The following MBNL2 variants were observed in gnomAD, a reference collection of about 807,000 sequenced individuals.
MBNL2 encodes the protein muscleblind like splicing regulator 2, also known as muscleblind-like protein 2.
MBNL2 carries 17 observed loss-of-function variants against 41.9 expected under a neutral mutation model. The observed-to-expected ratio is 0.41, with a 90% CI of 0.28 to 0.61. MBNL2 has a LOEUF of 0.61. Among genes scored for constraint, MBNL2 ranks in the 20% least tolerant of loss-of-function variants. MBNL2 has a pLI of 0.35. For missense variants in MBNL2, 336 were observed against 505.6 expected, an observed-to-expected ratio of 0.66 and a Z score of 3.22; for synonymous variants, 195 against 182.9, an observed-to-expected ratio of 1.07 and a Z score of -0.53.
At chr13:97,349,130 T>C (rs1324598537) in intron 5 of MBNL2, among the ~76,000 whole-genome samples, 2 of 152,236 alleles carry the variant, frequency 1.3e-5, no homozygotes, top group Non-Finnish European at 2.9e-5. Context: ...CATATGTTAT[T>C]GGACCTAATA....
the MBNL2 span, among the ~76,000 whole-genome samples, chr13:97,192,861 T>C: frequency 6.6e-6 from 1 of 152,214 alleles, no homozygotes; most frequent in Non-Finnish European, 1.5e-5. Flanking sequence ...GGATGTCCAG[T>C]ATCCAATAGT....
chr13:97,315,790 A>G (rs767645003), intron 2 of MBNL2, among the ~76,000 whole-genome samples: 3 of 151,616 alleles, frequency 2.0e-5, no homozygotes, highest in Admixed American at 2.0e-4. Flanking sequence ...GGCCTTGCTC[A>G]TGGGTGAGGA....
chr13:97,264,067 C>G (rs1245345240), intron 1 of MBNL2, among the ~76,000 whole-genome samples: 1 of 148,682 alleles, frequency 6.7e-6, no homozygotes, highest in Non-Finnish European at 1.5e-5. Context: ...CGGGAGTGCA[C>G]TGATGCAATC....
At chr13:97,225,221 T>C (rs191585902) in intron 1 of MBNL2, among the ~76,000 whole-genome samples, 2 of 152,294 alleles carry the variant, frequency 1.3e-5, no homozygotes, top group Admixed American at 1.3e-4. Context: ...CAAGCAAGAA[T>C]TGGGAAAAGA....
chr13:97,298,547 T>G (rs561252246), intron 2 of MBNL2, among the ~76,000 whole-genome samples: 93 of 152,336 alleles, frequency 6.1e-4, no homozygotes, highest in Non-Finnish European at 1.1e-3. Flanking sequence ...GCTGGGAAGA[T>G]CTGGGACTGG....
chr13:97,365,118 ACCATTGCATGACATCAGGGT>A lies in MBNL2; in HGVS notation c.1013-16_1016del. On this transcript the variant is annotated splice_acceptor_variant and splice_polypyrimidine_tract_variant and coding_sequence_variant and intron_variant, in exon 8 of 9. Coordinates refer to ENST00000679496, the MANE Select transcript of MBNL2 (RefSeq NM_001382683.1). LOFTEE classifies it high-confidence loss of function. ...TTCCCTTTATTCACTTTTTCCACCC[ACCATTGCATGACATCAGGGT>A]CAGTTTTGTGCATGACACCCGCTAC... 1 of 1,572,218 alleles carries A rather than the reference ACCATTGCATGACATCAGGGT, an allele frequency of 6.4e-7. No individual in the cohort carries two copies. Among genetic ancestry groups the A allele is most frequent in the Non-Finnish European group, 8.8e-7 (1 of 1,141,840 alleles).
rs2063026857 is a variant in MBNL2, at chr13:97,356,813, A to G, written c.822A>G (p.Lys274=). ...AATVMTQSTA[K]AMKRPLEATV... ...ATTAAAAGACTCAGTCGACTGCCAA[A>G]GCAATGAAGCGACCTCTCGAAGCAA... The change falls in exon 6 of 9, where the codon AAA becomes AAG. Residue 274 remains lysine (K), a synonymous_variant. Coordinates refer to ENST00000679496, the MANE Select transcript of MBNL2 (RefSeq NM_001382683.1). 1 of 1,363,504 alleles carries G rather than the reference A, an allele frequency of 7.3e-7. No individual in the cohort carries two copies. The highest frequency in any genetic ancestry group is 9.8e-7 in the Non-Finnish European group (1 of 1,018,486). The allele number at this position is 1,363,504 out of a possible 1,614,324, so 84.5% of individuals were successfully genotyped here. A position where few individuals can be genotyped will look rare whatever the true frequency, so the allele number is the denominator to read the frequency against.
chr13:97,190,552 C>T, the MBNL2 span, among the ~76,000 whole-genome samples: 4 of 152,170 alleles, frequency 2.6e-5, no homozygotes, highest in South Asian at 6.2e-4. Context: ...AGCAGAAAAA[C>T]AATGGACTTA....
intron 2 of MBNL2, among the ~76,000 whole-genome samples, chr13:97,289,131 A>G (rs2152967864): frequency 6.6e-6 from 1 of 152,368 alleles, no homozygotes; most frequent in Middle Eastern, 3.4e-3. Context: ...TTCTTAAAAA[A>G]TACATAATGC....
At chr13:97,234,496 C>T (rs908916142) in intron 1 of MBNL2, among the ~76,000 whole-genome samples, 2 of 151,928 alleles carry the variant, frequency 1.3e-5, no homozygotes, top group African/African-American at 2.4e-5. Flanking sequence ...GAGCACAGTG[C>T]GGGGGCGGGG....
chr13:97,285,328 A>C lies in MBNL2; in HGVS notation c.174+8919A>C, dbSNP rs201880470. 1.2e-4 allele frequency among the ~76,000 whole-genome samples: 19 copies of C among 152,284 alleles called. No homozygotes were observed. The East Asian group carries it at 3.7e-3, about 29-fold the overall frequency. ...CATTCGTTCTCTCTTAACTAAACAA[A>C]AGGGGGCAAATAAAAAGGAAGGTGA... is the stretch of plus-strand genomic sequence containing the variant. On this transcript the variant is annotated intron_variant, in intron 2 of 8. Transcript: ENST00000679496.
chr13:97,156,467 G>A, the MBNL2 span, among the ~76,000 whole-genome samples: 2 of 137,986 alleles, frequency 1.4e-5, no homozygotes, highest in African/African-American at 5.6e-5. Context: ...TGAAGTCCTT[G>A]CCCATGCCTA....
At chr13:97,283,447 T>A (rs767660790) in intron 2 of MBNL2, among the ~76,000 whole-genome samples, 12 of 152,122 alleles carry the variant, frequency 7.9e-5, no homozygotes, top group Non-Finnish European at 1.5e-4. Flanking sequence ...CACCCCTGGG[T>A]GCCTTGTTCC....
chr13:97,178,543 A>G, the MBNL2 span, among the ~76,000 whole-genome samples: 1 of 152,206 alleles, frequency 6.6e-6, no homozygotes, highest in Non-Finnish European at 1.5e-5. Flanking sequence ...GGGTGCTTCA[A>G]CCTCATCTTT....
At chr13:97,287,425 C>T (rs2054692714) in intron 2 of MBNL2, among the ~76,000 whole-genome samples, 1 of 152,040 alleles carries the variant, frequency 6.6e-6, no homozygotes, top group East Asian at 1.9e-4. Context: ...TGTGGGGTAC[C>T]TAGTGATGTT....
chr13:97,328,920 C>T (rs2060139824), intron 2 of MBNL2, among the ~76,000 whole-genome samples: 1 of 152,102 alleles, frequency 6.6e-6, no homozygotes, highest in Non-Finnish European at 1.5e-5. Flanking sequence ...TAGGAAATCT[C>T]ATCCTTCAAT....
chr13:97,171,810 A>C, the MBNL2 span, among the ~76,000 whole-genome samples: 10 of 152,272 alleles, frequency 6.6e-5, no homozygotes, highest in African/African-American at 2.2e-4. Flanking sequence ...TATGGGAGAT[A>C]ATTGAATCAT....
chr13:97,298,198 TAAA>T (rs1447829582), intron 2 of MBNL2, among the ~76,000 whole-genome samples: 1 of 151,150 alleles, frequency 6.6e-6, no homozygotes, highest in Non-Finnish European at 1.5e-5. Flanking sequence ...TATAAATAAA[TAAA>T]AATAAATAAA....
the MBNL2 span, among the ~76,000 whole-genome samples, chr13:97,163,510 A>G: frequency 2.6e-5 from 4 of 152,220 alleles, no homozygotes; most frequent in African/African-American, 9.6e-5. Flanking sequence ...CAGGCCAGGC[A>G]GTTGCCCCTT....
Sources: allele counts gnomAD v4.1 joint callset (sites outside exome capture counted in the v4.1 genomes callset), GRCh38; gene constraint gnomAD v4.1.1; transcripts MANE v1.5; gene names NCBI Gene and HGNC (gene_info 2026-07-23, HGNC 2026-07-21).